Variants in RIMKLB observed in about 807,000 individuals in gnomAD.
RIMKLB encodes beta-citrylglutamate synthase B.
A neutral mutation model predicts 32.0 loss-of-function variants in RIMKLB; 7 were observed. That is an observed-to-expected ratio of 0.22 (90% confidence interval 0.12 to 0.41). RIMKLB has a LOEUF of 0.41. RIMKLB is among the 10% of genes least tolerant of loss of function. RIMKLB has a pLI of 1.00. For missense variants in RIMKLB, 289 were observed against 498.7 expected, an observed-to-expected ratio of 0.58 and a Z score of 4.00; for synonymous variants, 172 against 185.1, an observed-to-expected ratio of 0.93 and a Z score of 0.57.
chr12:8,699,429 A>G (rs1183748147), intron 1 of RIMKLB, among the ~76,000 whole-genome samples: 1 of 152,250 alleles, frequency 6.6e-6, no homozygotes, highest in African/African-American at 2.4e-5. Context: ...CTTAAAAGCA[A>G]TTATGAGAAT....
chr12:8,695,920 C>G (rs893225437), upstream of RIMKLB, among the ~76,000 whole-genome samples: 11 of 152,068 alleles, frequency 7.2e-5, no homozygotes, highest in African/African-American at 2.7e-4. Context: ...CCAAAACTCC[C>G]GACCTCAGGT....
At chr12:8,777,359 A>C (rs1950797503), downstream of RIMKLB, 1 of 983,494 alleles carries the variant, frequency 1.0e-6, no homozygotes, top group African/African-American at 1.8e-5. Context: ...CTAGTCTTCC[A>C]GGTTTAATTT....
intron 5 of RIMKLB, among the ~76,000 whole-genome samples, chr12:8,769,878 T>C (rs958780955): frequency 6.6e-6 from 1 of 152,232 alleles, no homozygotes; most frequent in African/African-American, 2.4e-5. Flanking sequence ...AGAACAATTT[T>C]ATTTCCTTCC....
chr12:8,769,798 A>G (rs2138206963), intron 5 of RIMKLB, among the ~76,000 whole-genome samples: 1 of 152,244 alleles, frequency 6.6e-6, no homozygotes, highest in South Asian at 2.1e-4. Context: ...CATAATAATA[A>G]TGAAGTCTTT....
intron 1 of RIMKLB, among the ~76,000 whole-genome samples, chr12:8,709,524 C>A (rs1391002102): frequency 6.6e-6 from 1 of 152,250 alleles, no homozygotes; most frequent in Non-Finnish European, 1.5e-5. Flanking sequence ...ACACTTCTGG[C>A]ATCTCAGATG....
intron 5 of RIMKLB, 120 bp downstream of exon 5, chr12:8,754,213 C>T: frequency 1.4e-6 from 1 of 700,530 alleles, no homozygotes; most frequent in Non-Finnish European, 2.4e-6. Flanking sequence ...TTTCCTTTTA[C>T]ATGTAAATAT....
rs373861031 is a variant in RIMKLB at position 8,688,741 on chromosome 12, A to T, written n.219+6923A>T. On this transcript the variant is annotated intron_variant and non_coding_transcript_variant, in intron 1 of 1. Transcript: ENST00000538758. ...TGTTAAAGGAGGGCTGTTGAGCATA[A>T]TGAAAGTTTTGATCCAGGGATTAAT... Among the ~76,000 whole-genome samples, 278 of 152,354 alleles carry T rather than the reference A, an allele frequency of 1.8e-3. 1 individual carries two copies. The highest frequency in any genetic ancestry group is 6.5e-3 in the African/African-American group (270 of 41,578).
chr12:8,713,455 G>T (rs748804792), intron 1 of RIMKLB, among the ~76,000 whole-genome samples: 1 of 152,166 alleles, frequency 6.6e-6, no homozygotes, highest in African/African-American at 2.4e-5. Flanking sequence ...AGAACAGAAT[G>T]TTGAGGGAGG....
At chr12:8,745,931 G>A (rs1948044763) in intron 2 of RIMKLB, among the ~76,000 whole-genome samples, 2 of 151,494 alleles carry the variant, frequency 1.3e-5, no homozygotes, top group Admixed American at 1.3e-4. Flanking sequence ...CTGACCTCAG[G>A]TGATCCACCC....
At chr12:8,672,784 T>C in the RIMKLB span, among the ~76,000 whole-genome samples, 1 of 152,174 alleles carries the variant, frequency 6.6e-6, no homozygotes, top group African/African-American at 2.4e-5. Context: ...GCTTTCACCA[T>C]GTGAATGGCC....
intron 2 of RIMKLB, 38 bp from the exon 3 acceptor site, chr12:8,749,824 C>T: frequency 7.6e-7 from 1 of 1,311,842 alleles, no homozygotes; most frequent in Non-Finnish European, 1.1e-6. Context: ...TTGTATATTT[C>T]CCTCTAATTG....
intron 1 of RIMKLB, among the ~76,000 whole-genome samples, chr12:8,686,330 T>A (rs1345373107): frequency 6.6e-6 from 1 of 151,374 alleles, no homozygotes; most frequent in South Asian, 2.1e-4. Context: ...AGTCTCACTC[T>A]GTCACCCAGG....
intron 2 of RIMKLB, among the ~76,000 whole-genome samples, chr12:8,732,749 A>G (rs1946657091): frequency 6.7e-6 from 1 of 149,398 alleles, no homozygotes; most frequent in Non-Finnish European, 1.5e-5. Context: ...AGAAAATTAT[A>G]TATATATACA....
chr12:8,711,441 G>A lies in RIMKLB; in HGVS notation c.-56-2370G>A, dbSNP rs148151418. 4.5e-4 allele frequency among the ~76,000 whole-genome samples: 69 copies of A among 152,050 alleles called. 2 individuals carry two copies. Among genetic ancestry groups the A allele is most frequent in the African/African-American group, 1.6e-3 (65 of 41,482 alleles). ...TGCAAACGGATGAGTTTCAAGAGCC[G>A]AGTGTCAGGCCAAGGCACGGACATA... On this transcript the variant is annotated intron_variant, in intron 1 of 5. Coordinates refer to ENST00000535829, the MANE Select transcript of RIMKLB (RefSeq NM_001297776.2).
intron 2 of RIMKLB, among the ~76,000 whole-genome samples, chr12:8,735,255 A>T (rs1946892461): frequency 1.3e-5 from 2 of 151,634 alleles, no homozygotes; most frequent in South Asian, 4.2e-4. Flanking sequence ...TTTTACATGG[A>T]TCCTTGCTTT....
intron 1 of RIMKLB, among the ~76,000 whole-genome samples, chr12:8,712,633 A>G (rs1398944345): frequency 6.6e-6 from 1 of 152,086 alleles, no homozygotes; most frequent in Non-Finnish European, 1.5e-5. Flanking sequence ...TAGGTGGTCA[A>G]GTGTGGCAGA....
chr12:8,700,460 AGTT>A (rs1269875619), intron 1 of RIMKLB: 8 of 152,394 alleles, frequency 5.2e-5, no homozygotes, highest in African/African-American at 1.9e-4. Flanking sequence ...GAGCAGAGCC[AGTT>A]GTTCCACACT....
At chr12:8,679,659 A>C (rs976445421), upstream of RIMKLB, 1 of 152,288 alleles carries the variant, frequency 6.6e-6, no homozygotes, top group African/African-American at 2.4e-5. Flanking sequence ...TTCTTCACAC[A>C]GTCCAAGTGA....
chr12:8,781,612 C>A (rs1357127050), downstream of RIMKLB, among the ~76,000 whole-genome samples: 3 of 152,122 alleles, frequency 2.0e-5, no homozygotes, highest in Admixed American at 1.3e-4. Context: ...CTCCCTTATC[C>A]AAGTCTGTTT....
Sources: allele counts gnomAD v4.1 joint callset (sites outside exome capture counted in the v4.1 genomes callset), GRCh38; gene constraint gnomAD v4.1.1; transcripts MANE v1.5; gene names NCBI Gene and HGNC (gene_info 2026-07-23, HGNC 2026-07-21).